The following CHST11 variants were observed in gnomAD, a reference collection of about 807,000 sequenced individuals.
CHST11 encodes C4S-1.
A neutral mutation model predicts 30.4 loss-of-function variants in CHST11; 9 were observed. That is an observed-to-expected ratio of 0.30 (90% CI 0.18 to 0.52). CHST11 has a LOEUF of 0.52. CHST11 is among the 20% of genes least tolerant of loss of function. The pLI is 0.97. For synonymous variants in CHST11, 152 were observed against 187.8 expected (o/e 0.81, Z 1.56); for missense variants, 348 against 460.6 (o/e 0.76, Z 2.24).
Position 104,615,965 on chromosome 12 carries a change from C to T in CHST11, c.204+13974C>T, listed in dbSNP as rs183663724. Among the ~76,000 whole-genome samples, 3 of 152,240 alleles carry T rather than the reference C, an allele frequency of 2.0e-5. No homozygotes were observed. In the East Asian group the frequency reaches 5.8e-4, roughly 29 times the overall value. On this transcript the variant is annotated intron_variant, in intron 2 of 2. Coordinates refer to ENST00000303694, the MANE Select transcript of CHST11 (RefSeq NM_018413.6). ...AATAAAAATCAAAGAATAGCCCCTACCTTATTCTCTTTTGTGAGAATTTGA... is the reference window on the plus strand; with the variant it reads ...AATAAAAATCAAAGAATAGCCCCTATCTTATTCTCTTTTGTGAGAATTTGA...
At chr12:104,582,147 A>C (rs1052259595) in intron 1 of CHST11, among the ~76,000 whole-genome samples, 1 of 152,194 alleles carries the variant, frequency 6.6e-6, no homozygotes, top group African/African-American at 2.4e-5. Flanking sequence ...CAGCCAATGC[A>C]CTCAGTGCTT....
chr12:104,664,347 T>G (rs1169373809), intron 2 of CHST11, among the ~76,000 whole-genome samples: 1 of 152,256 alleles, frequency 6.6e-6, no homozygotes, highest in Non-Finnish European at 1.5e-5. Context: ...ACTTTATTTT[T>G]CTAAGTGTGG....
At chr12:104,585,072 A>G (rs951680490) in intron 1 of CHST11, among the ~76,000 whole-genome samples, 2 of 152,204 alleles carry the variant, frequency 1.3e-5, no homozygotes, top group African/African-American at 4.8e-5. Context: ...AAAAATATGG[A>G]AATGAAATAG....
chr12:104,700,140 T>G (rs1350582812), intron 2 of CHST11, among the ~76,000 whole-genome samples: 1 of 152,094 alleles, frequency 6.6e-6, no homozygotes, highest in Non-Finnish European at 1.5e-5. Context: ...ACCCATCTGG[T>G]TTTTTTTAAA....
At chr12:104,536,159 G>A (rs545270779) in intron 1 of CHST11, among the ~76,000 whole-genome samples, 3 of 152,306 alleles carry the variant, frequency 2.0e-5, no homozygotes, top group African/African-American at 7.2e-5. Context: ...GACTGGGAAA[G>A]TATCTTCGGG....
intron 2 of CHST11, among the ~76,000 whole-genome samples, chr12:104,621,753 G>A (rs2039160923): frequency 6.6e-6 from 1 of 152,210 alleles, no homozygotes; most frequent in Non-Finnish European, 1.5e-5. Flanking sequence ...CTTGACTTTA[G>A]GACTTGTGAC....
chr12:104,647,691 C>T (rs2039448190), intron 2 of CHST11, among the ~76,000 whole-genome samples: 1 of 152,140 alleles, frequency 6.6e-6, no homozygotes, highest in East Asian at 1.9e-4. Flanking sequence ...CTCTATCCCC[C>T]CAAAAGTTAG....
intron 2 of CHST11, among the ~76,000 whole-genome samples, chr12:104,661,621 G>A (rs1379520794): frequency 3.9e-5 from 6 of 152,172 alleles, no homozygotes; most frequent in Non-Finnish European, 7.3e-5. Flanking sequence ...TTAGCATGTG[G>A]TAGACATTTA....
intron 2 of CHST11, among the ~76,000 whole-genome samples, chr12:104,685,878 G>A (rs2039841781): frequency 6.6e-6 from 1 of 152,066 alleles, no homozygotes; most frequent in Non-Finnish European, 1.5e-5. Flanking sequence ...TGTGCTATTT[G>A]GGGACTTCTC....
intron 1 of CHST11, among the ~76,000 whole-genome samples, chr12:104,530,903 C>T (rs2038177052): frequency 6.6e-6 from 1 of 152,164 alleles, no homozygotes; most frequent in African/African-American, 2.4e-5. Context: ...TTAGATGTTT[C>T]GCAGGAGCTT....
intron 2 of CHST11, among the ~76,000 whole-genome samples, chr12:104,713,415 G>A (rs7297232): frequency 0.69 from 105,513 of 151,850 alleles, 36,935 homozygotes; most frequent in South Asian, 0.83. Context: ...GGGACTATTT[G>A]CCTGCCTTGC....
intron 1 of CHST11, among the ~76,000 whole-genome samples, chr12:104,562,637 C>T (rs1337141619): frequency 6.6e-6 from 1 of 152,192 alleles, no homozygotes; most frequent in Non-Finnish European, 1.5e-5. Context: ...GTGATCGTAT[C>T]CTGGTTTAGT....
At chr12:104,508,129 T>C (rs1468347911) in intron 1 of CHST11, among the ~76,000 whole-genome samples, 2 of 152,178 alleles carry the variant, frequency 1.3e-5, no homozygotes, top group East Asian at 3.8e-4. Context: ...TTCTTGTAGT[T>C]CCCTCCATAT....
At chr12:104,514,432 C>T in intron 1 of CHST11, 1 of 897,468 alleles carries the variant, frequency 1.1e-6, no homozygotes, top group Non-Finnish European at 1.9e-6. Flanking sequence ...ATCCTCTTCA[C>T]CATGTGAGAC....
At chr12:104,570,475 C>T (rs2038613375) in intron 1 of CHST11, among the ~76,000 whole-genome samples, 1 of 152,098 alleles carries the variant, frequency 6.6e-6, no homozygotes, top group Admixed American at 6.6e-5. Flanking sequence ...TCTCTGAAAT[C>T]AGGAACCAAG....
intron 2 of CHST11, among the ~76,000 whole-genome samples, chr12:104,679,393 C>T (rs2039772539): frequency 6.6e-6 from 1 of 152,146 alleles, no homozygotes; most frequent in South Asian, 2.1e-4. Flanking sequence ...CCCACCGAGG[C>T]CTGGAACCAA....
intron 1 of CHST11, among the ~76,000 whole-genome samples, chr12:104,578,547 G>A (rs574796811): frequency 6.6e-6 from 1 of 152,164 alleles, no homozygotes; most frequent in South Asian, 2.1e-4. Context: ...TCCGTTGGCT[G>A]TCTCTCTGGG....
At chr12:104,587,635 C>T (rs2038817235) in intron 1 of CHST11, among the ~76,000 whole-genome samples, 1 of 152,174 alleles carries the variant, frequency 6.6e-6, no homozygotes, top group South Asian at 2.1e-4. Context: ...TGGGCTCAAG[C>T]AATCCACCCG....
At chr12:104,480,422 C>CA (rs1430290829) in intron 1 of CHST11, among the ~76,000 whole-genome samples, 3 of 151,646 alleles carry the variant, frequency 2.0e-5, no homozygotes, top group Non-Finnish European at 2.9e-5. Context: ...CTAAAAAATA[C>CA]AAAAAATTAG....
Sources: gnomAD v4.1 joint callset for allele counts (sites outside exome capture counted in the v4.1 genomes callset) on GRCh38, gnomAD v4.1.1 for gene constraint, MANE v1.5 for transcripts, NCBI Gene and HGNC (gene_info 2026-07-23, HGNC 2026-07-21) for gene names.